Variants in RAB11FIP3 observed in about 807,000 individuals in gnomAD.
The protein encoded by RAB11FIP3 is rab11 family-interacting protein 3.
RAB11FIP3 carries 17 observed loss-of-function variants against 77.8 expected under a neutral mutation model. The ratio of observed to expected loss-of-function variants is 0.22; its 90% CI spans 0.15 to 0.33. The LOEUF (loss-of-function observed/expected upper bound fraction) is 0.33. Among genes scored for constraint, RAB11FIP3 ranks in the 10% least tolerant of loss-of-function variants. The pLI, the probability that RAB11FIP3 is intolerant of heterozygous loss-of-function variation, is 1.00. For synonymous variants in RAB11FIP3, 437 were observed against 448.2 expected, an observed-to-expected ratio of 0.98 and a Z score of 0.31; for missense variants, 1,005 against 1,011.2, an observed-to-expected ratio of 0.99 and a Z score of 0.08.
At chr16:497,133 C>T (rs899217193) in intron 6 of RAB11FIP3, 3 of 627,800 alleles carry the variant, frequency 4.8e-6, no homozygotes, top group Admixed American at 3.4e-5. Context: ...TGGAAGGGGC[C>T]GCCATCCCCA....
intron 1 of RAB11FIP3, among the ~76,000 whole-genome samples, chr16:441,427 G>A (rs1159387051): frequency 2.0e-5 from 3 of 152,166 alleles, no homozygotes; most frequent in Admixed American, 2.0e-4. Context: ...TGTTCTCACG[G>A]GGGGTGAGTT....
chr16:482,777 T>A (rs2056072866), intron 4 of RAB11FIP3, 41 bp downstream of exon 4: 3 of 1,539,020 alleles, frequency 1.9e-6, no homozygotes, highest in Non-Finnish European at 2.6e-6. Context: ...GGCCTTGGGA[T>A]GTGGCACCCT....
chr16:426,526 C>T lies in RAB11FIP3; in HGVS notation c.520C>T (p.Leu174=). Residue 174 remains leucine, a synonymous_variant, in exon 1 of 14, where the codon CTG becomes TTG. Transcript: ENST00000262305. The surrounding 1 kb of genome is among the most constrained non-coding windows in gnomAD (Gnocchi z 5.0). The stretch of plus-strand genomic sequence containing the variant: ...CGCGCCCACGGCGGGCGAGCTGGCG[C>T]TGGAGCAAGGTCCCGGGTCCCCGCC... ...FPAPTAGELA[L]EQGPGSPPQP... 1 of 1,560,240 alleles carries T rather than the reference C, an allele frequency of 6.4e-7. No individual in the cohort carries two copies.
intron 3 of RAB11FIP3, among the ~76,000 whole-genome samples, chr16:477,205 G>T (rs571573434): frequency 6.6e-6 from 1 of 152,070 alleles, no homozygotes; most frequent in Non-Finnish European, 1.5e-5. Context: ...AGTGAGCCAA[G>T]ATGGCGCCAC....
intron 1 of RAB11FIP3, among the ~76,000 whole-genome samples, chr16:448,925 T>C (rs1343602589): frequency 6.6e-6 from 1 of 151,566 alleles, no homozygotes; most frequent in East Asian, 1.9e-4. Flanking sequence ...AAAAAAAAAT[T>C]GAATAACATA....
At chr16:473,338 T>G (rs2055842296) in intron 3 of RAB11FIP3, among the ~76,000 whole-genome samples, 1 of 152,234 alleles carries the variant, frequency 6.6e-6, no homozygotes, top group Non-Finnish European at 1.5e-5. Flanking sequence ...GTTTTTTGAC[T>G]TAAAAAAATG....
At chr16:445,113 CAA>C (rs56706849) in intron 1 of RAB11FIP3, among the ~76,000 whole-genome samples, 7 of 70,796 alleles carry the variant, frequency 9.9e-5, no homozygotes, top group Non-Finnish European at 9.7e-5. Flanking sequence ...GACTCTGTCT[CAA>C]AAAAAAAAAA....
chr16:492,945 T>G (rs2030720729), intron 5 of RAB11FIP3, among the ~76,000 whole-genome samples: 1 of 152,096 alleles, frequency 6.6e-6, no homozygotes, highest in African/African-American at 2.4e-5. Context: ...GCTACCCCTT[T>G]TCCTAAGACT....
chr16:496,463 G>A (rs1395052894), intron 5 of RAB11FIP3, among the ~76,000 whole-genome samples: 1 of 152,232 alleles, frequency 6.6e-6, no homozygotes, highest in African/African-American at 2.4e-5. Context: ...TTTTCACTTG[G>A]GGGCCTCCGA....
At chr16:473,510 A>T (rs747605359) in intron 3 of RAB11FIP3, among the ~76,000 whole-genome samples, 3 of 152,162 alleles carry the variant, frequency 2.0e-5, no homozygotes, top group Non-Finnish European at 4.4e-5. Flanking sequence ...ATCTTGGCTC[A>T]CCACAACCTT....
In RAB11FIP3 at chr16:496,814, T is replaced by A. The variant is rs371680838; in HGVS notation, c.1266-10T>A. On this transcript the variant is annotated splice_polypyrimidine_tract_variant and intron_variant, in intron 5 of 13. Transcript: ENST00000262305. The stretch of plus-strand genomic sequence containing the variant: ...TAACAATTTTCCTGTTTATTTTGTT[T>A]TCTGCACAGTCCGACAAAGCGGCTC... 4 of 1,588,410 alleles carry A rather than the reference T, an allele frequency of 2.5e-6. No homozygotes were observed. In the South Asian group the frequency reaches 4.4e-5, roughly 18 times the overall value.
intron 3 of RAB11FIP3, chr16:475,242 G>C: frequency 2.1e-6 from 2 of 972,930 alleles, no homozygotes; most frequent in Non-Finnish European, 2.8e-6. Context: ...TTCTCTGTCC[G>C]CTGGTGATTT....
At position 520,736 on chromosome 16, in the gene RAB11FIP3, C is replaced by T. The variant is rs2032649519; in HGVS notation, c.2168C>T (p.Ala723Val). ...SSVSRDELME[A>V]IQKQEEINFR... ...CTGCTTGCCCTACAGCTCATGGAGG[C>T]GATTCAGAAGCAGGAGGAGATCAAC... is the stretch of plus-strand genomic sequence containing the variant. The change falls in exon 14 of 14, where the codon GCG becomes GTG. Residue 723 changes from alanine (A) to valine (V), a missense_variant. Physicochemically the swap from Ala to Val is moderately conservative, Grantham distance 64. This residue lies in a region of RAB11FIP3 where 90 missense variants were observed against 129.7 expected (regional missense o/e 0.69). Transcript: ENST00000262305. 2 of 1,613,616 alleles carry T rather than the reference C, an allele frequency of 1.2e-6. No homozygotes were observed. Among genetic ancestry groups the T allele is most frequent in the South Asian group, 1.1e-5 (1 of 91,080 alleles).
intron 6 of RAB11FIP3, among the ~76,000 whole-genome samples, chr16:502,216 C>G (rs1280976640): frequency 6.6e-6 from 1 of 152,270 alleles, no homozygotes; most frequent in Non-Finnish European, 1.5e-5. Flanking sequence ...CACAGCGAAT[C>G]TGACCACGTG....
intron 1 of RAB11FIP3, among the ~76,000 whole-genome samples, chr16:450,166 A>G (rs898782375): frequency 3.3e-5 from 5 of 152,008 alleles, no homozygotes; most frequent in South Asian, 2.1e-4. Context: ...AACGTGCACA[A>G]CAAACTTTTT....
intron 1 of RAB11FIP3, among the ~76,000 whole-genome samples, chr16:431,691 C>G (rs1239900792): frequency 6.6e-6 from 1 of 151,916 alleles, no homozygotes; most frequent in Non-Finnish European, 1.5e-5. Flanking sequence ...TTTTTTAACA[C>G]AGACATAGAC....
Position 472,218 on chromosome 16 carries a change from C to T in RAB11FIP3, c.903+829C>T, listed in dbSNP as rs1246192751. On this transcript the variant is annotated intron_variant, in intron 3 of 13. Coordinates refer to ENST00000262305, the MANE Select transcript of RAB11FIP3 (RefSeq NM_014700.4). The surrounding 1 kb of genome is among the most constrained non-coding windows in gnomAD (Gnocchi z 4.1). ...ACCGTGGGAGCCATGGTATTATACT[C>T]AGTTCCCTGTTCCGAGAAGCTGCCC... 6.6e-6 allele frequency among the ~76,000 whole-genome samples: 1 copy of T among 152,224 alleles called. No homozygotes were observed. Among genetic ancestry groups the T allele is most frequent in the Non-Finnish European group, 1.5e-5 (1 of 68,030 alleles).
intron 3 of RAB11FIP3, among the ~76,000 whole-genome samples, chr16:476,337 G>A (rs1439567395): frequency 2.0e-5 from 3 of 152,206 alleles, no homozygotes; most frequent in African/African-American, 2.4e-5. Context: ...TAAGCTCTGA[G>A]GAGGCACAGG....
chr16:499,488 C>T (rs891003285), intron 6 of RAB11FIP3, among the ~76,000 whole-genome samples: 3 of 152,054 alleles, frequency 2.0e-5, no homozygotes, highest in African/African-American at 7.2e-5. Flanking sequence ...TTCACGGGTA[C>T]CCTTTGGCAT....
Sources: allele counts gnomAD v4.1 joint callset (sites outside exome capture counted in the v4.1 genomes callset), GRCh38; gene constraint gnomAD v4.1.1; regional missense constraint gnomAD v4.1.1; non-coding constraint Gnocchi (gnomAD v3.1); transcripts MANE v1.5; gene names NCBI Gene and HGNC (gene_info 2026-07-23, HGNC 2026-07-21).